The following GON4L variants were observed in gnomAD, a reference collection of about 807,000 sequenced individuals.
The protein encoded by GON4L is gon-4 like.
In GON4L, 87 loss-of-function variants were observed where a neutral mutation model predicts 211.8. That is an observed-to-expected ratio of 0.41 (90% confidence interval 0.35 to 0.49). GON4L has a LOEUF of 0.49. GON4L is among the 20% of genes least tolerant of loss of function. GON4L has a pLI of 0.15. For synonymous variants in GON4L, 875 were observed against 962.6 expected (o/e 0.91, Z 1.68); for missense variants, 2,155 against 2,659.5 (o/e 0.81, Z 4.17).
At chr1:155,835,950 T>G (rs539821993) in intron 2 of GON4L, among the ~76,000 whole-genome samples, 8 of 152,204 alleles carry the variant, frequency 5.3e-5, no homozygotes, top group Admixed American at 1.3e-4. Flanking sequence ...GACCCTAAAT[T>G]AAGACTGATT....
At chr1:155,857,458 G>A (rs1672387911), upstream of GON4L, among the ~76,000 whole-genome samples, 2 of 152,258 alleles carry the variant, frequency 1.3e-5, no homozygotes, top group African/African-American at 4.8e-5. Context: ...GGCCAGGCGC[G>A]GTGGCTCACG....
chr1:155,852,025 C>T (rs189043459), intron 2 of GON4L, among the ~76,000 whole-genome samples: 4 of 151,780 alleles, frequency 2.6e-5, no homozygotes, highest in Admixed American at 6.6e-5. Context: ...ATTAGCTGGA[C>T]GTGGTGGCAG....
chr1:155,772,085 G>A (rs1447199319), intron 18 of GON4L, among the ~76,000 whole-genome samples: 2 of 151,774 alleles, frequency 1.3e-5, no homozygotes, highest in African/African-American at 2.4e-5. Flanking sequence ...AACCGGGGGC[G>A]AAGGTTGCAG....
intron 2 of GON4L, among the ~76,000 whole-genome samples, chr1:155,836,949 T>G (rs1220937077): frequency 6.6e-6 from 1 of 152,190 alleles, no homozygotes; most frequent in Non-Finnish European, 1.5e-5. Flanking sequence ...AGTCACATTA[T>G]TCTATGGCCC....
At chr1:155,801,861 C>T (rs536082322) in intron 11 of GON4L, among the ~76,000 whole-genome samples, 33 of 151,816 alleles carry the variant, frequency 2.2e-4, no homozygotes, top group Non-Finnish European at 4.0e-4. Context: ...CCAGTCTGGG[C>T]GACAGAGCGA....
In GON4L at chr1:155,765,418, T is replaced by C. The variant is rs1662345721; in HGVS notation, c.4055A>G (p.His1352Arg). ...RDICDDIKVE[H>R]AVELDTGAPS... ...GGCACCAGTGTCCAATTCCACAGCATGTTCCACTTTGATGTCATCACAAAT... is the reference window on the plus strand; with the variant it reads ...GGCACCAGTGTCCAATTCCACAGCACGTTCCACTTTGATGTCATCACAAAT... The change falls in exon 21 of 32, where the codon CAT becomes CGT. Residue 1352 changes from histidine (H) to arginine (R), a missense_variant. Physicochemically the swap from His to Arg is conservative, Grantham distance 29 (BLOSUM62 0). Around this residue, in one of 6 missense-constraint regions of GON4L, gnomAD observed 615 missense variants for 625.7 expected, o/e 0.98. Transcript: ENST00000368331. 1 of 1,614,200 alleles carries C rather than the reference T, an allele frequency of 6.2e-7. No homozygotes were observed. Among genetic ancestry groups the C allele is most frequent in the South Asian group, 1.1e-5 (1 of 91,080 alleles).
chr1:155,796,173 T>A (rs1186510582), intron 11 of GON4L, among the ~76,000 whole-genome samples: 2 of 152,088 alleles, frequency 1.3e-5, no homozygotes, highest in Admixed American at 1.3e-4. Context: ...AAAAATTATA[T>A]CCTTACAATA....
rs759581107 is a variant in GON4L at position 155,853,270 on chromosome 1, C to T, written c.505+6G>A. 1 of 1,612,330 alleles carries T rather than the reference C, an allele frequency of 6.2e-7. No individual in the cohort carries two copies. Among genetic ancestry groups the T allele is most frequent in the Non-Finnish European group, 8.5e-7 (1 of 1,178,394 alleles). Reference sequence around the variant, plus strand: ...GAATGTAACCTAGAGACCTTGTATACCTTACCTCCTTCTTCCTTGACTTCT... The same window carrying T: ...GAATGTAACCTAGAGACCTTGTATATCTTACCTCCTTCTTCCTTGACTTCT... On this transcript the variant is annotated splice_donor_region_variant and intron_variant, in intron 2 of 31. Coordinates refer to ENST00000368331, the MANE Select transcript of GON4L (RefSeq NM_001282860.2).
intron 3 of GON4L, among the ~76,000 whole-genome samples, chr1:155,824,581 A>G (rs1383017558): frequency 6.0e-5 from 9 of 151,258 alleles, no homozygotes. Flanking sequence ...CATCTCTACT[A>G]AAAATACAAA....
chr1:155,772,763 C>CATAAA (rs1302608344), intron 18 of GON4L, among the ~76,000 whole-genome samples: 1 of 151,556 alleles, frequency 6.6e-6, no homozygotes, highest in Non-Finnish European at 1.5e-5. Flanking sequence ...AAATAAATAA[C>CATAAA]ATAAAATAAA....
At chr1:155,747,996 A>G (rs571449860), downstream of GON4L, 292 of 1,598,384 alleles carry the variant, frequency 1.8e-4, no homozygotes, top group South Asian at 1.4e-3. Context: ...AGAAACATCT[A>G]TCGTCTATTA....
Position 155,848,440 on chromosome 1 carries a change from CTAA to C in GON4L, c.505+4833_505+4835del, listed in dbSNP as rs141093466. On this transcript the variant is annotated intron_variant, in intron 2 of 31. Coordinates refer to ENST00000368331, the MANE Select transcript of GON4L (RefSeq NM_001282860.2). ...CTACCCTTACTGCCAGCATCCTATT[CTAA>C]ATCTTAAGGTCTTAAGGGGAAAGCT... 3.5e-4 allele frequency among the ~76,000 whole-genome samples: 53 copies of C among 152,302 alleles called. 1 individual carries two copies. In the East Asian group the frequency reaches 0.01, roughly 29 times the overall value.
intron 19 of GON4L, among the ~76,000 whole-genome samples, chr1:155,769,746 T>TA (rs1286752963): frequency 1.3e-5 from 2 of 152,050 alleles, no homozygotes; most frequent in Non-Finnish European, 2.9e-5. Flanking sequence ...ATACAGTCCT[T>TA]AAAATCTTAT....
intron 11 of GON4L, among the ~76,000 whole-genome samples, chr1:155,799,464 T>C (rs1252844273): frequency 6.6e-6 from 1 of 152,082 alleles, no homozygotes; most frequent in African/African-American, 2.4e-5. Flanking sequence ...TGAAGTTTTA[T>C]TTTAAGAAAA....
At chr1:155,835,558 T>C (rs1056030277) in intron 2 of GON4L, among the ~76,000 whole-genome samples, 91 of 152,254 alleles carry the variant, frequency 6.0e-4, no homozygotes, top group Admixed American at 3.6e-3. Flanking sequence ...TGAGGGTCAC[T>C]GTTGGCCACC....
chr1:155,825,533 C>T (rs1440582880), intron 3 of GON4L, among the ~76,000 whole-genome samples: 1 of 147,456 alleles, frequency 6.8e-6, no homozygotes, highest in African/African-American at 2.5e-5. Context: ...GATTGCGCTA[C>T]TGCACTCCAG....
chr1:155,845,155 C>A (rs928530846), intron 2 of GON4L, among the ~76,000 whole-genome samples: 9 of 152,174 alleles, frequency 5.9e-5, no homozygotes, highest in Admixed American at 5.9e-4. Context: ...GTTTTCCAAG[C>A]ACTGGCCAGA....
intron 12 of GON4L, among the ~76,000 whole-genome samples, chr1:155,790,248 A>G (rs1001942069): frequency 1.3e-5 from 2 of 151,952 alleles, no homozygotes; most frequent in African/African-American, 2.4e-5. Context: ...TACAGGCGTG[A>G]GCCACCACAC....
chr1:155,768,337 C>T (rs1489244945), intron 19 of GON4L, among the ~76,000 whole-genome samples: 2 of 143,098 alleles, frequency 1.4e-5, no homozygotes, highest in African/African-American at 2.6e-5. Flanking sequence ...ATAGGCCAGG[C>T]GCAGTGGCTC....
Sources: gnomAD v4.1 joint callset for allele counts (sites outside exome capture counted in the v4.1 genomes callset) on GRCh38, gnomAD v4.1.1 for gene constraint, gnomAD v4.1.1 regional missense constraint, MANE v1.5 for transcripts, NCBI Gene and HGNC (gene_info 2026-07-23, HGNC 2026-07-21) for gene names.